The following DMD variants were observed in gnomAD, a reference collection of about 807,000 sequenced individuals.
The protein encoded by DMD is dystrophin, also known as mutant dystrophin.
A neutral mutation model predicts 330.1 loss-of-function variants in DMD; 63 were observed. The ratio of observed to expected loss-of-function variants is 0.19; its 90% CI spans 0.16 to 0.24. The LOEUF (loss-of-function observed/expected upper bound fraction) is 0.24. Among genes scored for constraint, DMD ranks in the 10% least tolerant of loss-of-function variants. DMD has a pLI of 1.00. For synonymous variants in DMD, 1,223 were observed against 959.8 expected (o/e 1.27, Z -5.07); for missense variants, 3,344 against 2,684.1 (o/e 1.25, Z -5.43).
At chrX:33,201,845 C>A (rs1603413525) in intron 1 of DMD, among the ~76,000 whole-genome samples, 1 of 112,307 alleles carries the variant, frequency 8.9e-6, no homozygotes. Flanking sequence ...GAAATAAACT[C>A]TAAAAGAACA....
chrX:31,758,670 T>C (rs1269373391), intron 51 of DMD, among the ~76,000 whole-genome samples: 2 of 111,591 alleles, frequency 1.8e-5, no homozygotes, highest in African/African-American at 3.3e-5. Flanking sequence ...TCATGATTAA[T>C]TGGTTTTTTC....
intron 2 of DMD, among the ~76,000 whole-genome samples, chrX:32,857,989 C>A (rs1219961329): frequency 2.0e-5 from 2 of 100,215 alleles, no homozygotes. Context: ...CTAGCTGGGG[C>A]ACCGAGAGAG....
chrX:32,996,618 T>G (rs1292812495), intron 2 of DMD, among the ~76,000 whole-genome samples: 5 of 110,501 alleles, frequency 4.5e-5, no homozygotes, highest in African/African-American at 1.6e-4. Flanking sequence ...AGGTCAGGAG[T>G]TCGAGACCAG....
At chrX:32,410,430 T>C (rs2098136900) in intron 30 of DMD, among the ~76,000 whole-genome samples, 1 of 112,138 alleles carries the variant, frequency 8.9e-6, no homozygotes, top group South Asian at 3.7e-4. Flanking sequence ...ATATGGTAAA[T>C]TAACTCATGC....
chrX:31,375,985 G>A (rs2059864490), intron 60 of DMD, among the ~76,000 whole-genome samples: 1 of 111,374 alleles, frequency 9.0e-6, no homozygotes, highest in South Asian at 3.8e-4. Context: ...CTGTTGGGTG[G>A]GACCTATAGT....
intron 2 of DMD, among the ~76,000 whole-genome samples, chrX:32,881,016 T>C (rs1444069275): frequency 1.8e-5 from 2 of 112,944 alleles, no homozygotes; most frequent in Non-Finnish European, 3.7e-5. Context: ...ATGCAATTCT[T>C]TTTAAAAAGC....
intron 7 of DMD, among the ~76,000 whole-genome samples, chrX:32,735,309 A>T (rs1346727383): frequency 1.9e-4 from 21 of 110,792 alleles, no homozygotes; most frequent in Non-Finnish European, 2.8e-4. Context: ...ATGGGTAGGA[A>T]GAATCAATAT....
At chrX:33,112,813 C>T (rs968939175) in intron 1 of DMD, among the ~76,000 whole-genome samples, 1 of 108,222 alleles carries the variant, frequency 9.2e-6, no homozygotes, top group Non-Finnish European at 1.9e-5. Context: ...ATCGGCCAGG[C>T]GCGGTGGCTC....
chrX:31,348,179 C>T (rs932057136), intron 61 of DMD: 2 of 202,253 alleles, frequency 9.9e-6, no homozygotes, highest in Non-Finnish European at 1.8e-5. Flanking sequence ...ATTAAAAACT[C>T]AAAAGTATGT....
At chrX:32,506,346 G>T (rs1244694839) in intron 18 of DMD, among the ~76,000 whole-genome samples, 1 of 106,173 alleles carries the variant, frequency 9.4e-6, no homozygotes. Context: ...CTCTAAAAAT[G>T]GAGTCTATTA....
At chrX:33,337,499 C>T (rs766824778) in intron 1 of DMD, among the ~76,000 whole-genome samples, 6 of 111,232 alleles carry the variant, frequency 5.4e-5, no homozygotes, top group African/African-American at 2.0e-4. Context: ...AAGTATTAAA[C>T]GGAAATAATC....
intron 7 of DMD, among the ~76,000 whole-genome samples, chrX:32,740,385 G>T (rs1276435262): frequency 9.1e-6 from 1 of 110,440 alleles, no homozygotes; most frequent in Admixed American, 9.8e-5. Flanking sequence ...GAGAACATGT[G>T]TATCAACAGA....
At position 32,879,021 on chromosome X, in the gene DMD, A is replaced by AAAAAAAAAAAAAAAAAAAAAAAAC. The variant is rs1352069437; in HGVS notation, c.94-29202_94-29201insGTTTTTTTTTTTTTTTTTTTTTTT. Among the ~76,000 whole-genome samples the AAAAAAAAAAAAAAAAAAAAAAAAC allele has an allele frequency of 2.9e-4, 30 of 101,734 alleles. 1 individual carries two copies. The highest frequency in any genetic ancestry group is 4.3e-4 in the Non-Finnish European group (21 of 48,821). The allele number at this position is 101,734 out of a possible 115,157, so 88.3% of individuals were successfully genotyped here. On this transcript the variant is annotated intron_variant, in intron 2 of 78. Transcript: ENST00000357033. Reference sequence around the variant, plus strand: ...AGACTACGTCTCAAAAAAAAAACAAAAAACAAAAAACAAACAAAAAAAAAA... The same window carrying AAAAAAAAAAAAAAAAAAAAAAAAC: ...AGACTACGTCTCAAAAAAAAAACAAAAAAAAAAAAAAAAAAAAAAAAAACAAACAAAAAACAAACAAAAAAAAAA...
At chrX:32,604,990 C>T (rs980661376) in intron 12 of DMD, among the ~76,000 whole-genome samples, 1 of 110,833 alleles carries the variant, frequency 9.0e-6, no homozygotes, top group African/African-American at 3.3e-5. Context: ...AAGCAATTTA[C>T]AGATTGAACA....
chrX:33,197,611 A>G (rs758872955), intron 1 of DMD, among the ~76,000 whole-genome samples: 1 of 111,983 alleles, frequency 8.9e-6, no homozygotes, highest in African/African-American at 3.2e-5. Context: ...CTGGCAACCA[A>G]TATCTGTTCT....
intron 61 of DMD, among the ~76,000 whole-genome samples, chrX:31,338,309 CAAAAAAAA>C (rs752828727): frequency 9.4e-5 from 5 of 53,369 alleles, no homozygotes; most frequent in African/African-American, 3.7e-4. Context: ...AGTAAAAATA[CAAAAAAAA>C]AAAAAAAAAA....
rs1491329591 is a variant in DMD, at chrX:32,356,379, T to TTAA, written c.5325+6408_5325+6409insTTA. Among the ~76,000 whole-genome samples, 63 of 52,728 alleles carry TTAA rather than the reference T, an allele frequency of 1.2e-3. 1 individual carries two copies. Among genetic ancestry groups the TTAA allele is most frequent in the African/African-American group, 3.9e-3 (61 of 15,463 alleles). 45.8% of individuals were successfully genotyped at this position (52,728 alleles called of 115,157 possible). ...TATATCTTCTGACACTGAATGGAAG[T>TTAA]AAAAAAAAAAAAAAAAAAAAAAAAA... On this transcript the variant is annotated intron_variant, in intron 37 of 78. Transcript: ENST00000357033.
chrX:31,483,403 A>G (rs2068537476), intron 57 of DMD, among the ~76,000 whole-genome samples: 1 of 112,089 alleles, frequency 8.9e-6, no homozygotes, highest in Non-Finnish European at 1.9e-5. Flanking sequence ...AAAAACTTAA[A>G]AAGTCCAAGG....
chrX:32,781,359 A>G (rs1467326198), intron 7 of DMD, among the ~76,000 whole-genome samples: 2 of 111,541 alleles, frequency 1.8e-5, no homozygotes, highest in African/African-American at 6.5e-5. Context: ...TCAATGATAC[A>G]ATCAAAGTGA....
Sources: allele counts gnomAD v4.1 joint callset (sites outside exome capture counted in the v4.1 genomes callset), GRCh38; gene constraint gnomAD v4.1.1; transcripts MANE v1.5; gene names NCBI Gene and HGNC (gene_info 2026-07-23, HGNC 2026-07-21).